The following BTG4 variants were observed in gnomAD, a reference collection of about 807,000 sequenced individuals.
BTG4 encodes the protein BTG anti-proliferation factor 4, also known as protein BTG4.
In BTG4, 10 loss-of-function variants were observed where a neutral mutation model predicts 19.3. That is an observed-to-expected ratio of 0.52 (90% CI 0.32 to 0.88). The LOEUF (loss-of-function observed/expected upper bound fraction) is 0.88. Among genes scored for constraint, BTG4 ranks in the 40% least tolerant of loss-of-function variants. The probability of loss-of-function intolerance (pLI) is 0.04; values close to 1 mark genes in which losing one functional copy is unlikely to be tolerated. For missense variants in BTG4, 238 were observed against 281.9 expected (o/e 0.84, Z 1.11); for synonymous variants, 91 against 95.7 (o/e 0.95, Z 0.29).
intron 1 of BTG4, chr11:111,507,829 A>G (rs1366706204): frequency 6.6e-6 from 1 of 152,142 alleles, no homozygotes; most frequent in Non-Finnish European, 1.5e-5. Context: ...TACCGTCATC[A>G]CCTACTCTAG....
chr11:111,461,677 G>A, the BTG4 span, among the ~76,000 whole-genome samples: 4 of 150,598 alleles, frequency 2.7e-5, no homozygotes, highest in Admixed American at 2.7e-4. Context: ...TTGCGCCATT[G>A]CCCTCCAGCC....
At chr11:111,444,404 T>C in the BTG4 span, among the ~76,000 whole-genome samples, 1 of 151,792 alleles carries the variant, frequency 6.6e-6, no homozygotes. Context: ...TCAAAACAAT[T>C]GAATTCATGG....
At chr11:111,405,434 A>AAAAAC in the BTG4 span, among the ~76,000 whole-genome samples, 1 of 138,948 alleles carries the variant, frequency 7.2e-6, no homozygotes, top group African/African-American at 2.6e-5. Flanking sequence ...AAAAAAAAAA[A>AAAAAC]AGATGTCAGG....
upstream of BTG4, among the ~76,000 whole-genome samples, chr11:111,512,558 C>T (rs1308508396): frequency 1.3e-5 from 2 of 152,116 alleles, no homozygotes; most frequent in African/African-American, 4.8e-5. Flanking sequence ...GGAACTGAAG[C>T]CTGGCGTGAA....
At chr11:111,467,764 C>A in intron 5 of BTG4, 1 of 697,586 alleles carries the variant, frequency 1.4e-6, no homozygotes, top group Non-Finnish European at 2.6e-6. Context: ...TTTATTCCCT[C>A]CTGGAAATAA....
intron 5 of BTG4, among the ~76,000 whole-genome samples, chr11:111,485,149 A>C (rs1285404044): frequency 6.6e-6 from 1 of 152,158 alleles, no homozygotes; most frequent in Non-Finnish European, 1.5e-5. Context: ...GATGGACCTC[A>C]ATACAATATC....
the BTG4 span, among the ~76,000 whole-genome samples, chr11:111,418,592 C>T: frequency 0.92 from 140,186 of 152,246 alleles, 64,883 homozygotes; most frequent in East Asian, 1. Flanking sequence ...GATTCTGCAG[C>T]GCCTATCATA....
At chr11:111,492,510 C>A (rs1489139366), downstream of BTG4, among the ~76,000 whole-genome samples, 2 of 152,192 alleles carry the variant, frequency 1.3e-5, no homozygotes, top group Non-Finnish European at 1.5e-5. Flanking sequence ...AACCAACAAG[C>A]ATTATTTAAT....
chr11:111,498,058 G>T lies in BTG4; in HGVS notation c.251C>A (p.Ser84Tyr). Reference protein sequence around the residue: ...RACVESNVDFSHLGLPKEMTI... With the variant: ...RACVESNVDFYHLGLPKEMTI... ...CATCTCCTTCGGAAGTCCCAGGTGA[G>T]AAAAATCTACATTACTTTCCACACA... The change falls in exon 3 of 5, where the codon TCT becomes TAT. Residue 84 changes from serine to tyrosine, a missense_variant. By Grantham distance (144) the Ser-to-Tyr change is moderately radical. Coordinates refer to ENST00000692032, the MANE Select transcript of BTG4 (RefSeq NM_001367975.1). The T allele has an allele frequency of 1.2e-6, 2 of 1,614,112 alleles. No homozygotes were observed. Among genetic ancestry groups the T allele is most frequent in the South Asian group, 1.1e-5 (1 of 91,064 alleles).
At chr11:111,448,682 A>T in the BTG4 span, 5 of 152,642 alleles carry the variant, frequency 3.3e-5, no homozygotes, top group Non-Finnish European at 7.3e-5. Context: ...GTCCTCTGGC[A>T]GGGGGGCCCA....
intron 5 of BTG4, among the ~76,000 whole-genome samples, chr11:111,469,618 A>G (rs1204938309): frequency 6.6e-6 from 1 of 152,250 alleles, no homozygotes; most frequent in Non-Finnish European, 1.5e-5. Context: ...CAGTTCACAC[A>G]TAAACTGCAC....
chr11:111,458,121 G>C, the BTG4 span: 1 of 152,754 alleles, frequency 6.5e-6, no homozygotes, highest in Non-Finnish European at 1.5e-5. Context: ...AAGGACATGA[G>C]ACAGCCACTG....
chr11:111,419,635 T>C, the BTG4 span, among the ~76,000 whole-genome samples: 1 of 152,072 alleles, frequency 6.6e-6, no homozygotes, highest in Non-Finnish European at 1.5e-5. Flanking sequence ...AGAAAAAAGG[T>C]CCAAATGCCC....
At chr11:111,433,178 G>A in the BTG4 span, among the ~76,000 whole-genome samples, 1 of 152,316 alleles carries the variant, frequency 6.6e-6, no homozygotes, top group Admixed American at 6.5e-5. Context: ...GTCATAAAAT[G>A]TACAACAAAG....
chr11:111,484,408 T>C (rs778368127), intron 5 of BTG4, among the ~76,000 whole-genome samples: 4 of 151,962 alleles, frequency 2.6e-5, no homozygotes, highest in Non-Finnish European at 5.9e-5. Context: ...GACAAATCTA[T>C]CAAAAATAAT....
chr11:111,392,169 CTTT>C, the BTG4 span, among the ~76,000 whole-genome samples: 1 of 85,396 alleles, frequency 1.2e-5, no homozygotes, highest in Non-Finnish European at 2.1e-5. Context: ...CTGTGATTTT[CTTT>C]TTTTTTTTTT....
chr11:111,387,878 C>A, the BTG4 span, among the ~76,000 whole-genome samples: 1 of 151,966 alleles, frequency 6.6e-6, no homozygotes, highest in Non-Finnish European at 1.5e-5. Context: ...GGCACAGAGA[C>A]CTTTTTTTTT....
At chr11:111,506,208 CAA>C (rs1866446411) in intron 1 of BTG4, among the ~76,000 whole-genome samples, 1 of 152,058 alleles carries the variant, frequency 6.6e-6, no homozygotes, top group South Asian at 2.1e-4. Context: ...ACAATTAGAG[CAA>C]AGTCATGGAA....
chr11:111,425,262 C>G, the BTG4 span, among the ~76,000 whole-genome samples: 107 of 152,208 alleles, frequency 7.0e-4, 1 homozygote, highest in Non-Finnish European at 9.9e-4. Context: ...AGGGGGTTCA[C>G]AGGTGTTGTT....
Sources: allele counts gnomAD v4.1 joint callset (sites outside exome capture counted in the v4.1 genomes callset), GRCh38; gene constraint gnomAD v4.1.1; transcripts MANE v1.5; gene names NCBI Gene and HGNC (gene_info 2026-07-23, HGNC 2026-07-21).